The following PIK3AP1 variants were observed in gnomAD, a reference collection of about 807,000 sequenced individuals.
The protein encoded by PIK3AP1 is phosphoinositide 3-kinase adapter protein 1.
PIK3AP1 carries 21 observed loss-of-function variants against 88.1 expected under a neutral mutation model. That is an observed-to-expected ratio of 0.24 (90% CI 0.17 to 0.34). The LOEUF is 0.34. Ranked by LOEUF, PIK3AP1 falls within the 10% of genes least tolerant of loss-of-function variation. The probability of loss-of-function intolerance (pLI) is 1.00; values close to 1 mark genes in which losing one functional copy is unlikely to be tolerated. For missense variants in PIK3AP1, 828 were observed against 1,035.7 expected (o/e 0.80, Z 2.75); for synonymous variants, 398 against 400.0 (o/e 1.00, Z 0.06).
chr10:96,638,356 C>A (rs147940071), intron 8 of PIK3AP1, among the ~76,000 whole-genome samples: 36 of 152,180 alleles, frequency 2.4e-4, no homozygotes, highest in Middle Eastern at 3.4e-3. Flanking sequence ...ACTTCCCAGC[C>A]TCCAGAATTG....
At chr10:96,711,820 G>A (rs1383574572) in intron 1 of PIK3AP1, among the ~76,000 whole-genome samples, 2 of 137,358 alleles carry the variant, frequency 1.5e-5, no homozygotes, top group Admixed American at 8.4e-5. Flanking sequence ...GCACGATCTC[G>A]GTTCACTGCA....
intron 14 of PIK3AP1, 88 bp downstream of exon 14, chr10:96,609,624 G>C (rs1236982558): frequency 1.4e-6 from 2 of 1,449,206 alleles, no homozygotes; most frequent in Admixed American, 4.5e-5. Flanking sequence ...AGATCTCCTG[G>C]GCTCTTAAGA....
chr10:96,651,106 GA>G (rs1843530672), intron 6 of PIK3AP1, 141 bp downstream of exon 6: 1 of 1,083,286 alleles, frequency 9.2e-7, no homozygotes, highest in Non-Finnish European at 1.3e-6. Context: ...AGTCAAGAAT[GA>G]GTCCTTATCA....
chr10:96,692,757 G>C (rs1844171224), intron 2 of PIK3AP1, among the ~76,000 whole-genome samples: 1 of 152,134 alleles, frequency 6.6e-6, no homozygotes, highest in Non-Finnish European at 1.5e-5. Context: ...TTTGACTGCA[G>C]AATTAGCCTA....
chr10:96,659,289 C>T (rs968239900), intron 2 of PIK3AP1, among the ~76,000 whole-genome samples: 2 of 152,098 alleles, frequency 1.3e-5, no homozygotes, highest in African/African-American at 2.4e-5. Flanking sequence ...CTCCTTGAAA[C>T]TATTTCTTGC....
At chr10:96,636,262 A>G (rs1251630597) in intron 8 of PIK3AP1, among the ~76,000 whole-genome samples, 1 of 152,066 alleles carries the variant, frequency 6.6e-6, no homozygotes, top group Non-Finnish European at 1.5e-5. Flanking sequence ...ATTAAAAAAA[A>G]TTATAAAAGA....
intron 12 of PIK3AP1, among the ~76,000 whole-genome samples, chr10:96,617,615 A>G (rs1843012412): frequency 6.6e-6 from 1 of 152,216 alleles, no homozygotes; most frequent in Non-Finnish European, 1.5e-5. Context: ...TGCCAGATGC[A>G]GGCAACAGAA....
intron 13 of PIK3AP1, among the ~76,000 whole-genome samples, chr10:96,612,636 AG>A (rs1849133123): frequency 6.6e-6 from 1 of 152,116 alleles, no homozygotes; most frequent in Non-Finnish European, 1.5e-5. Flanking sequence ...CATGCAGTAC[AG>A]GGTCCAACTT....
chr10:96,627,013 C>A, intron 9 of PIK3AP1, 108 bp from the exon 10 acceptor site: 2 of 1,041,184 alleles, frequency 1.9e-6, no homozygotes, highest in South Asian at 2.7e-5. Context: ...GTGCTGCCCC[C>A]TGGCAAAGGA....
intron 2 of PIK3AP1, among the ~76,000 whole-genome samples, chr10:96,673,237 A>G (rs796200736): frequency 1.4e-4 from 21 of 152,290 alleles, no homozygotes; most frequent in African/African-American, 4.6e-4. Flanking sequence ...ACCATGGTAA[A>G]TGGGCTGCAC....
intron 11 of PIK3AP1, among the ~76,000 whole-genome samples, chr10:96,622,277 G>A (rs1273473224): frequency 1.3e-5 from 2 of 152,194 alleles, no homozygotes; most frequent in East Asian, 1.9e-4. Flanking sequence ...GGAGCTTCTG[G>A]AGAAATATGA....
intron 3 of PIK3AP1, among the ~76,000 whole-genome samples, chr10:96,654,812 T>C (rs1843592622): frequency 6.6e-6 from 1 of 152,020 alleles, no homozygotes; most frequent in African/African-American, 2.4e-5. Context: ...CAGAGGGGCA[T>C]GGGGAAAGCA....
At position 96,671,199 on chromosome 10, in the gene PIK3AP1, G is replaced by A. The variant is rs778448940; in HGVS notation, c.431-14265C>T. On this transcript the variant is annotated intron_variant, in intron 2 of 16. Transcript: ENST00000339364. ...CTTGTGTCCAGATTCCCAGTGTGTG[G>A]ACCCCAGTGAAGGAGCCTTTGCTCT... 1.8e-4 allele frequency among the ~76,000 whole-genome samples: 28 copies of A among 152,312 alleles called. 1 individual carries two copies. The Middle Eastern group carries it at 0.01, about 56-fold the overall frequency.
At chr10:96,706,034 C>CA (rs1233310487) in intron 2 of PIK3AP1, among the ~76,000 whole-genome samples, 6 of 151,784 alleles carry the variant, frequency 4.0e-5, no homozygotes, top group Admixed American at 2.0e-4. Context: ...GCTGGGACTA[C>CA]AGGCGCCCGC....
intron 8 of PIK3AP1, among the ~76,000 whole-genome samples, chr10:96,629,930 A>AAGAAGAAGAAGAAGAAGAAG (rs1554955594): frequency 8.7e-4 from 12 of 13,722 alleles, no homozygotes; most frequent in Admixed American, 2.5e-3. Context: ...AAAAAAAAAA[A>AAGAAGAAGAAGAAGAAGAAG]AAGAAGAAGA....
intron 2 of PIK3AP1, among the ~76,000 whole-genome samples, chr10:96,703,105 T>C (rs1405096738): frequency 6.6e-6 from 1 of 152,214 alleles, no homozygotes; most frequent in Non-Finnish European, 1.5e-5. Flanking sequence ...CTTGAAATCC[T>C]GGCCTCAAGC....
chr10:96,672,080 G>C lies in PIK3AP1; in HGVS notation c.431-15146C>G, dbSNP rs139957636. ...AAAATACAGTCATGGTGGTCACACT[G>C]TCTCCCTGGAAACAAAGAGAAAGTT... On this transcript the variant is annotated intron_variant, in intron 2 of 16. Coordinates refer to ENST00000339364, the MANE Select transcript of PIK3AP1 (RefSeq NM_152309.3). Among the ~76,000 whole-genome samples the C allele has an allele frequency of 2.2e-3, 330 of 152,250 alleles. 1 individual carries two copies. Among genetic ancestry groups the C allele is most frequent in the African/African-American group, 7.5e-3 (313 of 41,546 alleles).
At chr10:96,694,533 T>C (rs1844195841) in intron 2 of PIK3AP1, among the ~76,000 whole-genome samples, 2 of 142,114 alleles carry the variant, frequency 1.4e-5, no homozygotes, top group Non-Finnish European at 3.1e-5. Flanking sequence ...TCTCCCTCCT[T>C]TCTTTCTTTT....
At chr10:96,692,703 T>C (rs1291040885) in intron 2 of PIK3AP1, among the ~76,000 whole-genome samples, 1 of 152,194 alleles carries the variant, frequency 6.6e-6, no homozygotes, top group Non-Finnish European at 1.5e-5. Flanking sequence ...CTTGTGGGGT[T>C]TTAGAATTAG....
Sources: gnomAD v4.1 joint callset for allele counts (sites outside exome capture counted in the v4.1 genomes callset) on GRCh38, gnomAD v4.1.1 for gene constraint, MANE v1.5 for transcripts, NCBI Gene and HGNC (gene_info 2026-07-23, HGNC 2026-07-21) for gene names.